Variants in FOCAD observed in about 807,000 individuals in gnomAD.
FOCAD encodes the protein focadhesin.
In FOCAD, 198 loss-of-function variants were observed where a neutral mutation model predicts 225.6. The observed-to-expected ratio is 0.88, with a 90% CI of 0.78 to 0.99. The LOEUF (loss-of-function observed/expected upper bound fraction) is 0.99, where lower values mean the gene tolerates loss of function less well. FOCAD is among the 50% of genes least tolerant of loss of function. FOCAD has a pLI of 0.00. For missense variants in FOCAD, 2,713 were observed against 2,123.6 expected, an observed-to-expected ratio of 1.28 and a Z score of -5.46; for synonymous variants, 897 against 755.0, an observed-to-expected ratio of 1.19 and a Z score of -3.08.
At chr9:20,822,949 T>C in intron 14 of FOCAD, 40 bp from the exon 15 acceptor site, 1 of 1,548,948 alleles carries the variant, frequency 6.5e-7, no homozygotes, top group Non-Finnish European at 8.7e-7. Flanking sequence ...ATAACTGCAC[T>C]TTAGCATTAA....
chr9:20,968,321 T>A (rs1261913240), intron 35 of FOCAD, among the ~76,000 whole-genome samples: 1 of 152,006 alleles, frequency 6.6e-6, no homozygotes, highest in Admixed American at 6.6e-5. Flanking sequence ...ATTTCTGATT[T>A]TATTTGCATG....
chr9:20,657,002 G>A (rs999808316), upstream of FOCAD, among the ~76,000 whole-genome samples: 6 of 151,920 alleles, frequency 3.9e-5, no homozygotes, highest in African/African-American at 1.5e-4. Context: ...GCATTTGCTT[G>A]TCTGTAAAGT....
chr9:20,940,511 C>G (rs1836539790), intron 28 of FOCAD, among the ~76,000 whole-genome samples: 2 of 152,072 alleles, frequency 1.3e-5, no homozygotes, highest in Non-Finnish European at 1.5e-5. Context: ...TGTTGAACTC[C>G]TGGCCTCGAG....
At chr9:20,787,616 T>C (rs922323582) in intron 10 of FOCAD, among the ~76,000 whole-genome samples, 10 of 150,252 alleles carry the variant, frequency 6.7e-5, no homozygotes, top group African/African-American at 2.5e-4. Context: ...CTTGAAATAG[T>C]AATATATTCA....
intron 15 of FOCAD, among the ~76,000 whole-genome samples, chr9:20,861,594 G>A (rs371139484): frequency 8.5e-5 from 13 of 152,228 alleles, no homozygotes; most frequent in African/African-American, 3.1e-4. Flanking sequence ...TTTCCTTTGA[G>A]CCTCTTCTTA....
At chr9:20,914,944 A>G (rs910215283) in intron 23 of FOCAD, among the ~76,000 whole-genome samples, 4 of 152,206 alleles carry the variant, frequency 2.6e-5, no homozygotes, top group African/African-American at 9.6e-5. Context: ...GGCAGATATC[A>G]TACGTTATAA....
upstream of FOCAD, among the ~76,000 whole-genome samples, chr9:20,655,762 G>T (rs1205226070): frequency 6.6e-6 from 1 of 151,964 alleles, no homozygotes. Flanking sequence ...AGGGTTTTTT[G>T]TGTCTCTATT....
At chr9:20,688,807 T>C (rs1822808480) in intron 1 of FOCAD, among the ~76,000 whole-genome samples, 1 of 152,220 alleles carries the variant, frequency 6.6e-6, no homozygotes, top group African/African-American at 2.4e-5. Context: ...AAGAGCTAAC[T>C]ACAGTTTTTG....
In FOCAD at chr9:20,978,395, C is replaced by A. The variant is rs761007246; in HGVS notation, c.4318C>A (p.Gln1440Lys). 8.1e-6 allele frequency: 13 copies of A among 1,612,036 alleles called. No individual in the cohort carries two copies. In the East Asian group the frequency reaches 2.9e-4, roughly 36 times the overall value. The change falls in exon 37 of 44, where the codon CAG becomes AAG. Residue 1440 changes from glutamine (Q) to lysine (K), a missense_variant. By Grantham distance (53) the Gln-to-Lys change is moderately conservative. Coordinates refer to ENST00000338382, the MANE Select transcript of FOCAD (RefSeq NM_001375567.1). ...EIMVTQAQSS[Q>K]NAAALLGLWV... ...TATGGTGACCCAGGCACAGTCATCC[C>A]AGAATGCAGCTGCACTATTGGGCTT...
chr9:20,704,911 G>A (rs1193191873), intron 1 of FOCAD, among the ~76,000 whole-genome samples: 1 of 152,146 alleles, frequency 6.6e-6, no homozygotes, highest in Non-Finnish European at 1.5e-5. Context: ...ATTAGAAACT[G>A]GGAATGAGCA....
At chr9:20,835,433 A>T (rs184899410) in intron 15 of FOCAD, among the ~76,000 whole-genome samples, 28 of 152,070 alleles carry the variant, frequency 1.8e-4, no homozygotes, top group African/African-American at 6.5e-4. Context: ...TAATTGTGAT[A>T]AAAGTGTGAG....
intron 21 of FOCAD, among the ~76,000 whole-genome samples, chr9:20,896,446 C>T (rs2131945702): frequency 6.6e-6 from 1 of 151,936 alleles, no homozygotes; most frequent in African/African-American, 2.4e-5. Context: ...GTGATATCCT[C>T]CTTAAATGTT....
At chr9:20,926,822 A>G (rs892990069) in intron 26 of FOCAD, among the ~76,000 whole-genome samples, 12 of 151,366 alleles carry the variant, frequency 7.9e-5, no homozygotes, top group African/African-American at 2.9e-4. Context: ...AAAGAAATCC[A>G]TTATATAGTG....
At chr9:20,881,025 A>C (rs1279208211) in intron 19 of FOCAD, among the ~76,000 whole-genome samples, 1 of 152,200 alleles carries the variant, frequency 6.6e-6, no homozygotes, top group African/African-American at 2.4e-5. Context: ...GTAAAATGTC[A>C]AATGATAAAG....
At chr9:20,906,736 T>A (rs934300994) in intron 21 of FOCAD, among the ~76,000 whole-genome samples, 1 of 152,080 alleles carries the variant, frequency 6.6e-6, no homozygotes, top group Admixed American at 6.6e-5. Flanking sequence ...TTCAGAATGG[T>A]CATATTGGAA....
At chr9:20,811,902 A>G (rs1823116945) in intron 11 of FOCAD, among the ~76,000 whole-genome samples, 3 of 152,114 alleles carry the variant, frequency 2.0e-5, no homozygotes, top group Admixed American at 2.0e-4. Flanking sequence ...TTCTGTATAT[A>G]TCATGCAAGC....
chr9:20,725,018 A>T (rs1826076655), intron 4 of FOCAD, among the ~76,000 whole-genome samples: 1 of 152,100 alleles, frequency 6.6e-6, no homozygotes, highest in South Asian at 2.1e-4. Flanking sequence ...AAAAATACAA[A>T]AAAAATTAGC....
At chr9:20,771,433 G>T (rs983748712) in intron 8 of FOCAD, among the ~76,000 whole-genome samples, 12 of 152,130 alleles carry the variant, frequency 7.9e-5, no homozygotes, top group Non-Finnish European at 1.3e-4. Context: ...TCTTAGGCAG[G>T]CTACCACAGA....
At chr9:20,753,328 C>T (rs1260460108) in intron 5 of FOCAD, among the ~76,000 whole-genome samples, 61 of 151,658 alleles carry the variant, frequency 4.0e-4, no homozygotes, top group Non-Finnish European at 6.5e-4. Flanking sequence ...TTTTGAAATA[C>T]GTCCCATCAA....
Sources: gnomAD v4.1 joint callset for allele counts (sites outside exome capture counted in the v4.1 genomes callset) on GRCh38, gnomAD v4.1.1 for gene constraint, MANE v1.5 for transcripts, NCBI Gene and HGNC (gene_info 2026-07-23, HGNC 2026-07-21) for gene names.